Variants in ZBTB16 observed in about 807,000 individuals in gnomAD.
ZBTB16 encodes zinc finger and BTB domain-containing protein 16.
In ZBTB16, 8 loss-of-function variants were observed where a neutral mutation model predicts 56.8. That is an observed-to-expected ratio of 0.14 (90% confidence interval 0.08 to 0.25). The LOEUF is 0.25. Among genes scored for constraint, ZBTB16 ranks in the 10% least tolerant of loss-of-function variants. ZBTB16 has a pLI of 1.00. For synonymous variants in ZBTB16, 363 were observed against 368.5 expected (o/e 0.98, Z 0.17); for missense variants, 625 against 903.0 (o/e 0.69, Z 3.95).
intron 4 of ZBTB16, among the ~76,000 whole-genome samples, chr11:114,231,787 T>C (rs953638352): frequency 6.6e-6 from 1 of 152,194 alleles, no homozygotes; most frequent in African/African-American, 2.4e-5. Context: ...GAGAAAATGC[T>C]GACGTCCATC....
At chr11:114,249,644 A>G (rs1944881466) in intron 6 of ZBTB16, among the ~76,000 whole-genome samples, 1 of 144,970 alleles carries the variant, frequency 6.9e-6, no homozygotes, top group African/African-American at 2.6e-5. Context: ...AGGCGCCTGT[A>G]GTCCCAGCTA....
chr11:114,093,046 C>T (rs1940248544), intron 2 of ZBTB16, among the ~76,000 whole-genome samples: 2 of 152,210 alleles, frequency 1.3e-5, no homozygotes, highest in Admixed American at 1.3e-4. Context: ...TAAAAAACCA[C>T]CAGTGCCTGT....
intron 3 of ZBTB16, among the ~76,000 whole-genome samples, chr11:114,161,029 C>G (rs1942574851): frequency 6.6e-6 from 1 of 152,186 alleles, no homozygotes; most frequent in South Asian, 2.1e-4. Context: ...TACCTTACCC[C>G]TTTTGGGGAT....
Position 114,256,016 on chromosome 11 carries a change from T to C in ZBTB16, c.*5461T>C, listed in dbSNP as rs998741937. 5.7e-5 allele frequency among the ~76,000 whole-genome samples: 4 copies of C among 70,102 alleles called. No homozygotes were observed. The East Asian group carries it at 2.7e-3, about 48-fold the overall frequency. The allele number at this position is 70,102 out of a possible 152,430, so 46.0% of individuals were successfully genotyped here. A position where few individuals can be genotyped will look rare whatever the true frequency, so the allele number is the denominator to read the frequency against. ...ACCTTTTTATTGAAGTACTTGGTTT[T>C]GTTTTGTTTTTTTTTTTTGTTTTTT... is the stretch of plus-strand genomic sequence containing the variant. On this transcript the variant is annotated 3_prime_UTR_variant, in exon 7 of 7. Transcript: ENST00000335953.
At chr11:114,230,645 G>GCAGA (rs1375612792) in intron 4 of ZBTB16, among the ~76,000 whole-genome samples, 2 of 114,512 alleles carry the variant, frequency 1.7e-5, no homozygotes, top group South Asian at 2.8e-4. Flanking sequence ...GGGGGGGCGG[G>GCAGA]AAGGAGAGGA....
intron 3 of ZBTB16, among the ~76,000 whole-genome samples, chr11:114,159,943 G>GC (rs1942537002): frequency 6.9e-6 from 1 of 145,008 alleles, no homozygotes; most frequent in Non-Finnish European, 1.5e-5. Flanking sequence ...GAGGCGGGGG[G>GC]GAGGCGAGCA....
In ZBTB16 at chr11:114,255,871, A is replaced by AT. The variant is rs1944997947; in HGVS notation, c.*5322dup. 2.6e-5 allele frequency among the ~76,000 whole-genome samples: 4 copies of AT among 152,208 alleles called. No homozygotes were observed. The highest frequency in any genetic ancestry group is 3.4e-3 in the Middle Eastern group (1 of 294). On this transcript the variant is annotated 3_prime_UTR_variant, in exon 7 of 7. Coordinates refer to ENST00000335953, the MANE Select transcript of ZBTB16 (RefSeq NM_006006.6). ...AACAGTAGATTTTTTTGTAGTGAAC[A>AT]TTTTTTGTATTTTTATTTATAAGTC...
At position 114,250,616 on chromosome 11, in the gene ZBTB16, G is replaced by T; in HGVS notation, c.*61G>T. ...CAGGAAAGAAGAGTTGGAGTGAGAT[G>T]AAGGAAGGACTATGACAAATAAAAA... On this transcript the variant is annotated 3_prime_UTR_variant, in exon 7 of 7. Transcript: ENST00000335953. This position sits in a 1 kb window ranked among gnomAD's most constrained non-coding sequence, Gnocchi z 6.0. 6.6e-7 allele frequency: 1 copy of T among 1,506,212 alleles called. No individual in the cohort carries two copies. Among genetic ancestry groups the T allele is most frequent in the South Asian group, 1.1e-5 (1 of 88,656 alleles). The allele number at this position is 1,506,212 out of a possible 1,614,324, so 93.3% of individuals were successfully genotyped here.
At chr11:114,197,124 A>T (rs1383540554) in intron 4 of ZBTB16, among the ~76,000 whole-genome samples, 1 of 152,194 alleles carries the variant, frequency 6.6e-6, no homozygotes, top group Non-Finnish European at 1.5e-5. Context: ...GGTTCTCTCC[A>T]CTGTGACTAC....
At chr11:114,233,248 G>A (rs540009655) in intron 4 of ZBTB16, among the ~76,000 whole-genome samples, 3 of 152,072 alleles carry the variant, frequency 2.0e-5, no homozygotes, top group African/African-American at 7.2e-5. Context: ...AGGAGCTGCT[G>A]GGGCAGGTGG....
intron 2 of ZBTB16, among the ~76,000 whole-genome samples, chr11:114,101,103 C>G (rs1163776236): frequency 1.3e-5 from 2 of 152,094 alleles, no homozygotes; most frequent in Non-Finnish European, 2.9e-5. Flanking sequence ...CTCCCTGGCT[C>G]AAGCAATTCT....
At chr11:114,087,477 G>T (rs1200585957) in intron 2 of ZBTB16, among the ~76,000 whole-genome samples, 1 of 152,120 alleles carries the variant, frequency 6.6e-6, no homozygotes, top group Non-Finnish European at 1.5e-5. Flanking sequence ...CTCATGTTTT[G>T]TGGTCTCTGC....
chr11:114,158,789 T>C (rs1336233340), intron 3 of ZBTB16, among the ~76,000 whole-genome samples: 2 of 152,218 alleles, frequency 1.3e-5, no homozygotes, highest in African/African-American at 4.8e-5. Flanking sequence ...GTCATGGGGT[T>C]AGATCCTGTC....
chr11:114,180,791 G>A (rs1943229068), intron 3 of ZBTB16: 2 of 152,272 alleles, frequency 1.3e-5, no homozygotes, highest in Admixed American at 1.3e-4. Flanking sequence ...GCCAGGCATG[G>A]CGCAGGGTAT....
intron 2 of ZBTB16, among the ~76,000 whole-genome samples, chr11:114,146,095 A>G (rs1024984776): frequency 6.6e-6 from 1 of 152,186 alleles, no homozygotes; most frequent in Admixed American, 6.5e-5. Flanking sequence ...GTAGGCGCTT[A>G]ACAGATATAG....
intron 2 of ZBTB16, among the ~76,000 whole-genome samples, chr11:114,114,380 C>T (rs1941109239): frequency 6.6e-6 from 1 of 152,180 alleles, no homozygotes; most frequent in South Asian, 2.1e-4. Context: ...ATTTGTTAGA[C>T]CTTTTGAGCA....
At chr11:114,146,373 G>T (rs1275159302) in intron 2 of ZBTB16, among the ~76,000 whole-genome samples, 1 of 152,140 alleles carries the variant, frequency 6.6e-6, no homozygotes, top group Non-Finnish European at 1.5e-5. Flanking sequence ...ACCCTGAGGT[G>T]AGAAGTCTGG....
At position 114,063,300 on chromosome 11, in the gene ZBTB16, C is replaced by T. The variant is rs200061176; in HGVS notation, c.-1C>T. ...CTCATGCCTGAGCCGAGGGGAGCAC[C>T]ATGGATCTGACAAAAATGGGCATGA... On this transcript the variant is annotated 5_prime_UTR_variant, in exon 2 of 7. Coordinates refer to ENST00000335953, the MANE Select transcript of ZBTB16 (RefSeq NM_006006.6). This position sits in a 1 kb window ranked among gnomAD's most constrained non-coding sequence, Gnocchi z 6.5. 5 of 1,613,764 alleles carry T rather than the reference C, an allele frequency of 3.1e-6. No individual in the cohort carries two copies. The highest frequency in any genetic ancestry group is 3.3e-5 in the Admixed American group (2 of 60,012).
chr11:114,167,320 T>C (rs1165100831), intron 3 of ZBTB16, among the ~76,000 whole-genome samples: 2 of 139,064 alleles, frequency 1.4e-5, no homozygotes, highest in Non-Finnish European at 3.1e-5. Context: ...TCTCTCTCTC[T>C]CTCTCTCTCT....
Sources: allele counts gnomAD v4.1 joint callset (sites outside exome capture counted in the v4.1 genomes callset), GRCh38; gene constraint gnomAD v4.1.1; non-coding constraint Gnocchi (gnomAD v3.1); transcripts MANE v1.5; gene names NCBI Gene and HGNC (gene_info 2026-07-23, HGNC 2026-07-21).